GRIN2A: variants seen among roughly 807,000 people sequenced by gnomAD.
GRIN2A encodes the protein glutamate ionotropic receptor NMDA type subunit 2A.
Under a neutral mutation model 113.4 loss-of-function variants are expected in GRIN2A, and 22 were observed. The observed-to-expected ratio is 0.19, with a 90% CI of 0.14 to 0.28. The LOEUF is 0.28. Ranked by LOEUF, GRIN2A falls within the 10% of genes least tolerant of loss-of-function variation. The pLI, the probability that GRIN2A is intolerant of heterozygous loss-of-function variation, is 1.00. For synonymous variants in GRIN2A, 827 were observed against 738.4 expected (o/e 1.12, Z -1.94); for missense variants, 1,502 against 1,887.0 (o/e 0.80, Z 3.78).
At chr16:9,917,077 A>G (rs981273822) in intron 3 of GRIN2A, among the ~76,000 whole-genome samples, 3 of 152,014 alleles carry the variant, frequency 2.0e-5, no homozygotes, top group African/African-American at 7.2e-5. Flanking sequence ...GACTTTGCGC[A>G]CTCTGCTCCC....
chr16:10,003,806 T>C (rs1357166272), intron 2 of GRIN2A, among the ~76,000 whole-genome samples: 2 of 152,158 alleles, frequency 1.3e-5, no homozygotes, highest in South Asian at 2.1e-4. Flanking sequence ...CACTGAGCTA[T>C]GAGTAAGAGG....
chr16:9,789,680 C>T (rs2267787), intron 11 of GRIN2A, among the ~76,000 whole-genome samples: 49,684 of 151,986 alleles, frequency 0.33, 8,301 homozygotes, highest in African/African-American at 0.39. Flanking sequence ...AGTAGGAGCT[C>T]GATCCAGTTT....
At chr16:9,989,630 A>C (rs977591615) in intron 2 of GRIN2A, among the ~76,000 whole-genome samples, 1 of 152,210 alleles carries the variant, frequency 6.6e-6, no homozygotes, top group Non-Finnish European at 1.5e-5. Context: ...AAATATTTGC[A>C]AACTAGGTAT....
At chr16:10,108,168 T>C (rs1177991489) in intron 2 of GRIN2A, among the ~76,000 whole-genome samples, 1 of 152,210 alleles carries the variant, frequency 6.6e-6, no homozygotes, top group Non-Finnish European at 1.5e-5. Context: ...TTAATGGACT[T>C]ACAGTACCAC....
intron 2 of GRIN2A, among the ~76,000 whole-genome samples, chr16:10,148,112 C>A (rs903528983): frequency 1.3e-5 from 2 of 152,194 alleles, no homozygotes; most frequent in Non-Finnish European, 2.9e-5. Flanking sequence ...ACCTTCCCAA[C>A]CTCTCAACAT....
At chr16:10,018,710 C>A (rs1281695414) in intron 2 of GRIN2A, among the ~76,000 whole-genome samples, 1 of 152,146 alleles carries the variant, frequency 6.6e-6, no homozygotes, top group African/African-American at 2.4e-5. Flanking sequence ...CAGTCACTCC[C>A]CACACACCGT....
intron 2 of GRIN2A, among the ~76,000 whole-genome samples, chr16:10,027,041 A>G (rs897856338): frequency 1.3e-5 from 2 of 152,154 alleles, no homozygotes; most frequent in African/African-American, 4.8e-5. Flanking sequence ...CCTAGTGCTT[A>G]TTATCAGCTG....
chr16:10,129,802 C>T (rs542801905), intron 2 of GRIN2A, among the ~76,000 whole-genome samples: 2 of 152,190 alleles, frequency 1.3e-5, no homozygotes, highest in African/African-American at 4.8e-5. Context: ...GTTTTGTCAT[C>T]GTTCTTACTC....
At chr16:10,030,211 T>C (rs369472890) in intron 2 of GRIN2A, among the ~76,000 whole-genome samples, 11 of 152,024 alleles carry the variant, frequency 7.2e-5, no homozygotes, top group African/African-American at 2.4e-4. Context: ...TTAAATGTTA[T>C]ACAACTCTCA....
At chr16:9,947,684 G>C (rs1226454346) in intron 2 of GRIN2A, among the ~76,000 whole-genome samples, 2 of 152,300 alleles carry the variant, frequency 1.3e-5, no homozygotes, top group Non-Finnish European at 2.9e-5. Context: ...CAAAGGCACA[G>C]ACACTGGTAC....
chr16:10,118,867 G>A (rs903279775), intron 2 of GRIN2A, among the ~76,000 whole-genome samples: 1 of 152,144 alleles, frequency 6.6e-6, no homozygotes. Context: ...TAGTCCAATT[G>A]TCCTTTCTAA....
At position 9,920,234 on chromosome 16, in the gene GRIN2A, C is replaced by T. The variant is rs925266793; in HGVS notation, c.1007+17725G>A. 3.9e-5 allele frequency among the ~76,000 whole-genome samples: 6 copies of T among 152,186 alleles called. No homozygotes were observed. The South Asian group carries it at 6.2e-4, about 16-fold the overall frequency. ...ACATGAAAAGACAAATGAATGAAAA[C>T]GGGTGAATGCATGAATGAATGAACG... is the stretch of plus-strand genomic sequence containing the variant. On this transcript the variant is annotated intron_variant, in intron 3 of 12. Transcript: ENST00000330684.
chr16:10,038,578 T>C (rs2047079277), intron 2 of GRIN2A, among the ~76,000 whole-genome samples: 1 of 151,858 alleles, frequency 6.6e-6, no homozygotes, highest in Non-Finnish European at 1.5e-5. Flanking sequence ...GCGCGGTGGC[T>C]CACGCCTGTA....
chr16:9,974,955 G>A (rs988953434), intron 2 of GRIN2A, among the ~76,000 whole-genome samples: 1 of 152,148 alleles, frequency 6.6e-6, no homozygotes, highest in African/African-American at 2.4e-5. Context: ...TCACCACTGA[G>A]TATGGTGTTT....
chr16:9,812,241 T>A (rs904912475), intron 10 of GRIN2A, among the ~76,000 whole-genome samples: 9 of 152,194 alleles, frequency 5.9e-5, no homozygotes, highest in Non-Finnish European at 1.3e-4. Context: ...GTCACCGTCA[T>A]ATAGGTTTGT....
intron 2 of GRIN2A, chr16:9,970,985 T>C (rs1447436782): frequency 6.6e-6 from 1 of 152,178 alleles, no homozygotes; most frequent in Non-Finnish European, 1.5e-5. Flanking sequence ...GTTGTGTAGA[T>C]AGTCATTTGA....
chr16:10,117,715 G>T (rs1885443687), intron 2 of GRIN2A, among the ~76,000 whole-genome samples: 1 of 152,148 alleles, frequency 6.6e-6, no homozygotes, highest in Non-Finnish European at 1.5e-5. Context: ...AAGCTCAGGG[G>T]CTACAGCTGG....
chr16:10,027,463 C>T (rs1003501350), intron 2 of GRIN2A: 2 of 152,276 alleles, frequency 1.3e-5, no homozygotes, highest in Non-Finnish European at 2.9e-5. Flanking sequence ...GGCTGCCCAT[C>T]CTGGGTCTGC....
chr16:9,904,985 C>T (rs1375129678), intron 3 of GRIN2A, among the ~76,000 whole-genome samples: 3 of 152,158 alleles, frequency 2.0e-5, no homozygotes, highest in Non-Finnish European at 2.9e-5. Flanking sequence ...AATGCTAAAA[C>T]CAAAACCATA....
Sources: allele counts gnomAD v4.1 joint callset (sites outside exome capture counted in the v4.1 genomes callset), GRCh38; gene constraint gnomAD v4.1.1; transcripts MANE v1.5; gene names NCBI Gene and HGNC (gene_info 2026-07-23, HGNC 2026-07-21).